The following MID2 variants were observed in gnomAD, a reference collection of about 807,000 sequenced individuals.
MID2 encodes midline 2.
Under a neutral mutation model 46.1 loss-of-function variants are expected in MID2, and 13 were observed. The observed-to-expected ratio is 0.28, with a 90% CI of 0.18 to 0.45. The LOEUF is 0.45. MID2 is among the 20% of genes least tolerant of loss of function. The pLI is 1.00. For synonymous variants in MID2, 199 were observed against 212.3 expected, an observed-to-expected ratio of 0.94 and a Z score of 0.55; for missense variants, 431 against 575.4, an observed-to-expected ratio of 0.75 and a Z score of 2.57.
intron 2 of MID2, among the ~76,000 whole-genome samples, chrX:107,848,310 C>T (rs1382816907): frequency 8.9e-6 from 1 of 111,857 alleles, no homozygotes; most frequent in Non-Finnish European, 1.9e-5. Context: ...GTAGAGTTGG[C>T]TTTGGCTCAC....
chrX:107,841,285 G>A lies in MID2; in HGVS notation c.620G>A (p.Cys207Tyr), dbSNP rs1207017605. 8.3e-7 allele frequency: 1 copy of A among 1,209,518 alleles called. No homozygotes were observed. Among genetic ancestry groups the A allele is most frequent in the Non-Finnish European group, 1.1e-6 (1 of 894,948 alleles). Residue 207 changes from cysteine (C) to tyrosine (Y), a missense_variant, in exon 2 of 10, where the codon TGT becomes TAT. Physicochemically the swap from Cys to Tyr is radical, Grantham distance 194. Coordinates refer to ENST00000262843, the MANE Select transcript of MID2 (RefSeq NM_012216.4). ...GAGAATGAGAAAGTGAACATGTACT[G>A]TGTATCTGATGACCAATTGATCTGT... ...DHENEKVNMYCVSDDQLICAL... is the reference protein window; with the variant it reads ...DHENEKVNMYYVSDDQLICAL...
chrX:107,857,889 G>A (rs1018292588), intron 3 of MID2, among the ~76,000 whole-genome samples: 7 of 111,838 alleles, frequency 6.3e-5, no homozygotes, highest in African/African-American at 2.0e-4. Flanking sequence ...CGGCGGGGGC[G>A]GAGGATACCA....
At chrX:107,893,526 A>G (rs901761890) in intron 3 of MID2, among the ~76,000 whole-genome samples, 3 of 112,713 alleles carry the variant, frequency 2.7e-5, no homozygotes, top group Non-Finnish European at 5.6e-5. Context: ...ATGAAAATAA[A>G]CAAGTCAATT....
intron 3 of MID2, among the ~76,000 whole-genome samples, chrX:107,860,509 T>C (rs1931831540): frequency 8.9e-6 from 1 of 111,852 alleles, no homozygotes; most frequent in African/African-American, 3.3e-5. Flanking sequence ...ATGGAGAATG[T>C]ATAGATTGAA....
At chrX:107,829,967 C>T (rs1931055782) in intron 1 of MID2, among the ~76,000 whole-genome samples, 1 of 112,029 alleles carries the variant, frequency 8.9e-6, no homozygotes, top group Non-Finnish European at 1.9e-5. Flanking sequence ...TGCTTCAACT[C>T]GCAGATCCTA....
At chrX:107,855,694 T>G (rs1931725014) in intron 3 of MID2, among the ~76,000 whole-genome samples, 1 of 112,256 alleles carries the variant, frequency 8.9e-6, no homozygotes. Flanking sequence ...AATCTTCTTG[T>G]AAGGCAAAGA....
At chrX:107,842,839 A>G (rs1324971084) in intron 2 of MID2, among the ~76,000 whole-genome samples, 1 of 112,004 alleles carries the variant, frequency 8.9e-6, no homozygotes, top group African/African-American at 3.2e-5. Context: ...GAAGCGCTCT[A>G]CTTTAAAGTT....
chrX:107,855,987 C>G (rs1405184797), intron 3 of MID2, among the ~76,000 whole-genome samples: 1 of 111,843 alleles, frequency 8.9e-6, no homozygotes, highest in African/African-American at 3.2e-5. Context: ...GTGCTCTAGA[C>G]TTGGCTCTTC....
chrX:107,855,856 C>G (rs1006649182), intron 3 of MID2, among the ~76,000 whole-genome samples: 2 of 111,621 alleles, frequency 1.8e-5, no homozygotes, highest in Admixed American at 9.5e-5. Flanking sequence ...GAGTGGTGCT[C>G]TACGTAGGGT....
At chrX:107,895,382 T>G (rs1932708032) in intron 3 of MID2, 1 of 111,859 alleles carries the variant, frequency 8.9e-6, no homozygotes, top group African/African-American at 3.3e-5. Context: ...ATCATTACTA[T>G]AATTTTCTCA....
chrX:107,828,994 C>T (rs1931031331), intron 1 of MID2, among the ~76,000 whole-genome samples: 1 of 112,221 alleles, frequency 8.9e-6, no homozygotes, highest in Non-Finnish European at 1.9e-5. Flanking sequence ...ATCCTCCCAT[C>T]TCAGCTTCCT....
chrX:107,890,091 A>G (rs759355693), intron 3 of MID2, among the ~76,000 whole-genome samples: 4 of 111,463 alleles, frequency 3.6e-5, no homozygotes, highest in Non-Finnish European at 7.5e-5. Context: ...GAGTAGTTTG[A>G]TCATCTGAAG....
intron 3 of MID2, among the ~76,000 whole-genome samples, chrX:107,884,778 ACT>A (rs1308802413): frequency 8.9e-6 from 1 of 112,224 alleles, no homozygotes; most frequent in Non-Finnish European, 1.9e-5. Flanking sequence ...TTTGGTTGTA[ACT>A]CTGTCATTTG....
At chrX:107,904,116 T>A (rs764136009) in intron 4 of MID2, 51 bp downstream of exon 4, 2 of 849,333 alleles carry the variant, frequency 2.4e-6, no homozygotes, top group Admixed American at 4.6e-5. Context: ...TTTACAAATA[T>A]CAAAGTTTGA....
chrX:107,826,325 C>A lies in MID2; in HGVS notation c.-102C>A. On this transcript the variant is annotated 5_prime_UTR_variant, in exon 1 of 10. Coordinates refer to ENST00000262843, the MANE Select transcript of MID2 (RefSeq NM_012216.4). Reference sequence around the variant, plus strand: ...GTAGCGGCGGCGGCGGCGACCGGGGCCCGGGAGCTCGCGCCGGAGCCCGAG... The same window carrying A: ...GTAGCGGCGGCGGCGGCGACCGGGGACCGGGAGCTCGCGCCGGAGCCCGAG... 1.0e-6 allele frequency: 1 copy of A among 1,000,659 alleles called. No homozygotes were observed. The allele number at this position is 1,000,659 out of a possible 1,213,427, so 82.5% of individuals were successfully genotyped here.
chrX:107,847,598 G>A (rs1931520555), intron 2 of MID2, among the ~76,000 whole-genome samples: 1 of 111,951 alleles, frequency 8.9e-6, no homozygotes, highest in Non-Finnish European at 1.9e-5. Context: ...AAATTAGGAA[G>A]GGGTGGCAGT....
At chrX:107,898,360 G>T (rs1235891547) in intron 3 of MID2, among the ~76,000 whole-genome samples, 2 of 111,580 alleles carry the variant, frequency 1.8e-5, no homozygotes, top group Non-Finnish European at 3.8e-5. Flanking sequence ...TTTTGCTCAT[G>T]CTATTCATGT....
intron 3 of MID2, among the ~76,000 whole-genome samples, chrX:107,855,878 T>C (rs1241162541): frequency 1.8e-5 from 2 of 111,835 alleles, no homozygotes; most frequent in Non-Finnish European, 3.8e-5. Context: ...CATAGAGTAC[T>C]GGTCAAACTC....
At chrX:107,854,773 T>C (rs1931705302) in intron 3 of MID2, 69 bp downstream of exon 3, 2 of 783,150 alleles carry the variant, frequency 2.6e-6, no homozygotes, top group Admixed American at 4.8e-5. Flanking sequence ...AGGACTTCAG[T>C]TTTGTCAGAG....
Sources: allele counts gnomAD v4.1 joint callset (sites outside exome capture counted in the v4.1 genomes callset), GRCh38; gene constraint gnomAD v4.1.1; transcripts MANE v1.5; gene names NCBI Gene and HGNC (gene_info 2026-07-23, HGNC 2026-07-21).